The following ATP2B4 variants were observed in gnomAD, a reference collection of about 807,000 sequenced individuals.
ATP2B4 encodes the protein plasma membrane calcium-transporting ATPase 4.
In ATP2B4, 39 loss-of-function variants were observed where a neutral mutation model predicts 110.3. The observed-to-expected ratio is 0.35, with a 90% confidence interval of 0.27 to 0.46. ATP2B4 has a LOEUF of 0.46. Ranked by LOEUF, ATP2B4 falls within the 20% of genes least tolerant of loss-of-function variation. ATP2B4 has a pLI of 1.00. For synonymous variants in ATP2B4, 538 were observed against 571.7 expected, an observed-to-expected ratio of 0.94 and a Z score of 0.84; for missense variants, 1,135 against 1,530.9, an observed-to-expected ratio of 0.74 and a Z score of 4.32.
intron 1 of ATP2B4, among the ~76,000 whole-genome samples, chr1:203,651,873 C>A (rs1344226036): frequency 6.6e-6 from 1 of 151,658 alleles, no homozygotes; most frequent in East Asian, 2.0e-4. Flanking sequence ...GTTTGGCCAA[C>A]ATGGTGAAAC....
intron 20 of ATP2B4, 39 bp from the exon 21 acceptor site, chr1:203,739,507 C>T: frequency 6.3e-7 from 1 of 1,580,288 alleles, no homozygotes; most frequent in Middle Eastern, 1.7e-4. Flanking sequence ...ATTCTCACCT[C>T]TCTATTTTCT....
At chr1:203,636,857 A>C (rs187031322) in intron 1 of ATP2B4, among the ~76,000 whole-genome samples, 1 of 152,304 alleles carries the variant, frequency 6.6e-6, no homozygotes. Context: ...ATTTGCAGCC[A>C]AGTCCCATCC....
chr1:203,734,994 C>T (rs1335878815), intron 20 of ATP2B4, among the ~76,000 whole-genome samples: 3 of 100,642 alleles, frequency 3.0e-5, no homozygotes, highest in East Asian at 5.8e-4. Context: ...CAGAGACAGA[C>T]TCCATCTCAA....
At chr1:203,697,514 A>G (rs1665567309) in intron 2 of ATP2B4, among the ~76,000 whole-genome samples, 1 of 152,202 alleles carries the variant, frequency 6.6e-6, no homozygotes, top group African/African-American at 2.4e-5. Context: ...ATAAGATTTT[A>G]TGTCTGGTTA....
At chr1:203,705,663 G>A (rs930844220) in intron 8 of ATP2B4, among the ~76,000 whole-genome samples, 2 of 152,108 alleles carry the variant, frequency 1.3e-5, no homozygotes, top group Admixed American at 6.6e-5. Context: ...GTGATCTGCC[G>A]GCCTCAGCCT....
chr1:203,680,111 T>A (rs2102357393), intron 1 of ATP2B4, among the ~76,000 whole-genome samples: 1 of 151,142 alleles, frequency 6.6e-6, no homozygotes, highest in South Asian at 2.1e-4. Flanking sequence ...CTGTCTTTTC[T>A]AATTCTCAAG....
intron 1 of ATP2B4, among the ~76,000 whole-genome samples, chr1:203,642,364 G>A (rs1170186649): frequency 2.0e-5 from 3 of 152,156 alleles, no homozygotes; most frequent in Admixed American, 6.5e-5. Context: ...GATTACAGGC[G>A]TGAAACACTG....
intron 19 of ATP2B4, 89 bp from the exon 20 acceptor site, chr1:203,727,306 C>G: frequency 6.7e-7 from 1 of 1,484,950 alleles, no homozygotes; most frequent in Non-Finnish European, 9.1e-7. Flanking sequence ...CAAAGAGTAA[C>G]CTGCCCAAGG....
chr1:203,734,303 CAA>C (rs540243669), intron 20 of ATP2B4, among the ~76,000 whole-genome samples: 7 of 126,088 alleles, frequency 5.6e-5, no homozygotes, highest in Admixed American at 8.0e-5. Context: ...GACTCTGTCT[CAA>C]AAAAAAAAAA....
chr1:203,698,664 A>C (rs1480084551), intron 3 of ATP2B4, among the ~76,000 whole-genome samples: 1 of 151,182 alleles, frequency 6.6e-6, no homozygotes, highest in Middle Eastern at 3.2e-3. Flanking sequence ...TTATTATTTT[A>C]ATGGAATCTT....
intron 2 of ATP2B4, 120 bp from the exon 3 acceptor site, chr1:203,698,037 C>T: frequency 2.5e-6 from 2 of 806,118 alleles, no homozygotes; most frequent in Non-Finnish European, 4.0e-6. Context: ...GACAGCGTCT[C>T]TCTCTGTTGC....
At chr1:203,717,219 C>T (rs933745550) in intron 15 of ATP2B4, among the ~76,000 whole-genome samples, 8 of 152,108 alleles carry the variant, frequency 5.3e-5, no homozygotes, top group South Asian at 2.1e-4. Flanking sequence ...GAGATTCCCC[C>T]TCATTGACTA....
At chr1:203,687,994 G>GATTATTATT (rs71145015) in intron 2 of ATP2B4, among the ~76,000 whole-genome samples, 42 of 138,672 alleles carry the variant, frequency 3.0e-4, no homozygotes, top group Non-Finnish European at 4.2e-4. Flanking sequence ...GAGAGAAAGA[G>GATTATTATT]ATTATTATTA....
intron 20 of ATP2B4, among the ~76,000 whole-genome samples, chr1:203,736,898 A>G (rs761909265): frequency 6.6e-6 from 1 of 152,060 alleles, no homozygotes; most frequent in Non-Finnish European, 1.5e-5. Flanking sequence ...GCACAGCCCC[A>G]TGCCCTCTCC....
intron 1 of ATP2B4, among the ~76,000 whole-genome samples, chr1:203,665,146 A>T (rs1348126554): frequency 6.6e-6 from 1 of 152,184 alleles, no homozygotes; most frequent in Non-Finnish European, 1.5e-5. Context: ...GATTTTAGAA[A>T]GGTGAATATA....
chr1:203,735,836 AG>A (rs1314716939), intron 20 of ATP2B4, among the ~76,000 whole-genome samples: 12 of 152,218 alleles, frequency 7.9e-5, no homozygotes, highest in Non-Finnish European at 4.4e-5. Flanking sequence ...CCTTTCTGAT[AG>A]GAAGGGTTAG....
chr1:203,725,445 A>G (rs115838241), intron 19 of ATP2B4, among the ~76,000 whole-genome samples: 30,879 of 152,122 alleles, frequency 0.2, 3,332 homozygotes, highest in East Asian at 0.32. Context: ...CACCGTGCCC[A>G]GCCTCAGCTC....
At chr1:203,688,277 G>A (rs1213320863) in intron 2 of ATP2B4, among the ~76,000 whole-genome samples, 1 of 149,634 alleles carries the variant, frequency 6.7e-6, no homozygotes, top group East Asian at 2.0e-4. Flanking sequence ...AGCCGCCACT[G>A]ACCCAATGTT....
chr1:203,691,525 G>C (rs1033665864), intron 2 of ATP2B4, among the ~76,000 whole-genome samples: 2 of 152,210 alleles, frequency 1.3e-5, no homozygotes, highest in African/African-American at 2.4e-5. Flanking sequence ...AAGGCCAAGA[G>C]CAGGGGGCGG....
Sources: gnomAD v4.1 joint callset for allele counts (sites outside exome capture counted in the v4.1 genomes callset) on GRCh38, gnomAD v4.1.1 for gene constraint, MANE v1.5 for transcripts, NCBI Gene and HGNC (gene_info 2026-07-23, HGNC 2026-07-21) for gene names.